The following LDLRAD3 variants were observed in gnomAD, a reference collection of about 807,000 sequenced individuals.
LDLRAD3 encodes low-density lipoprotein receptor class A domain-containing protein 3.
LDLRAD3 carries 20 observed loss-of-function variants against 29.4 expected under a neutral mutation model. The observed-to-expected ratio is 0.68, with a 90% CI of 0.48 to 0.99. The LOEUF is 0.99. Among genes scored for constraint, LDLRAD3 ranks in the 50% least tolerant of loss-of-function variants. The pLI, the probability that LDLRAD3 is intolerant of heterozygous loss-of-function variation, is 0.00. For missense variants in LDLRAD3, 420 were observed against 454.3 expected, an observed-to-expected ratio of 0.92 and a Z score of 0.69; for synonymous variants, 157 against 192.7, an observed-to-expected ratio of 0.81 and a Z score of 1.53.
rs114840284 is a variant in LDLRAD3, at chr11:35,982,779, G to A, written c.46+38635G>A. 5.6e-3 allele frequency among the ~76,000 whole-genome samples: 843 copies of A among 150,814 alleles called. 9 individuals carry two copies. Among genetic ancestry groups the A allele is most frequent in the African/African-American group, 0.019 (772 of 40,920 alleles). Reference sequence around the variant, plus strand: ...TCTTCTGAATTCATTATACCCATGTGCATTCCATTCCTTTCCCAAGGCCAC... The same window carrying A: ...TCTTCTGAATTCATTATACCCATGTACATTCCATTCCTTTCCCAAGGCCAC... On this transcript the variant is annotated intron_variant, in intron 1 of 5. Transcript: ENST00000315571.
chr11:36,169,416 A>G (rs1854563345), intron 4 of LDLRAD3, among the ~76,000 whole-genome samples: 1 of 152,186 alleles, frequency 6.6e-6, no homozygotes, highest in Admixed American at 6.5e-5. Flanking sequence ...GTTTGTACCT[A>G]TTAACCAAAC....
chr11:36,150,597 C>CA (rs1854264313), intron 4 of LDLRAD3, among the ~76,000 whole-genome samples: 1 of 149,084 alleles, frequency 6.7e-6, no homozygotes. Flanking sequence ...ACTAAAAATA[C>CA]AAAAAAAATT....
At chr11:36,107,455 C>G (rs940193743) in intron 4 of LDLRAD3, among the ~76,000 whole-genome samples, 1 of 152,158 alleles carries the variant, frequency 6.6e-6, no homozygotes, top group African/African-American at 2.4e-5. Context: ...CTCAGCTTCC[C>G]AAAGTGCTGG....
At chr11:36,161,994 A>G (rs1214535898) in intron 4 of LDLRAD3, among the ~76,000 whole-genome samples, 1 of 152,244 alleles carries the variant, frequency 6.6e-6, no homozygotes, top group Non-Finnish European at 1.5e-5. Context: ...ACCCCTAGAG[A>G]GATCTCTGCA....
At chr11:36,009,852 T>A (rs1851933299) in intron 1 of LDLRAD3, among the ~76,000 whole-genome samples, 1 of 152,164 alleles carries the variant, frequency 6.6e-6, no homozygotes, top group South Asian at 2.1e-4. Context: ...ACGAAGAAGT[T>A]TTCCAGAAAT....
At chr11:36,180,854 A>G (rs918998638) in intron 4 of LDLRAD3, among the ~76,000 whole-genome samples, 4 of 152,132 alleles carry the variant, frequency 2.6e-5, no homozygotes, top group Admixed American at 6.5e-5. Context: ...AGTAGAGACC[A>G]TTGGAATTGC....
chr11:36,186,479 A>G (rs1480798384), intron 4 of LDLRAD3, among the ~76,000 whole-genome samples: 1 of 152,220 alleles, frequency 6.6e-6, no homozygotes, highest in Non-Finnish European at 1.5e-5. Flanking sequence ...GTTGGTCCAC[A>G]TCCAAAAATC....
chr11:36,039,824 C>G (rs146194752), intron 2 of LDLRAD3, among the ~76,000 whole-genome samples: 1 of 152,292 alleles, frequency 6.6e-6, no homozygotes, highest in African/African-American at 2.4e-5. Context: ...TTCTGCTGGT[C>G]AAAATGTTTA....
intron 4 of LDLRAD3, among the ~76,000 whole-genome samples, chr11:36,139,934 T>C (rs1854057213): frequency 6.6e-6 from 1 of 152,130 alleles, no homozygotes; most frequent in South Asian, 2.1e-4. Flanking sequence ...GATTGGTTCT[T>C]CTGTGGCAGC....
chr11:35,983,369 T>C (rs1342852497), intron 1 of LDLRAD3, among the ~76,000 whole-genome samples: 3 of 152,262 alleles, frequency 2.0e-5, no homozygotes, highest in Non-Finnish European at 4.4e-5. Context: ...TTTAATTACA[T>C]ATGTGGCTTG....
At chr11:36,139,638 A>G (rs755442041) in intron 4 of LDLRAD3, among the ~76,000 whole-genome samples, 1 of 152,166 alleles carries the variant, frequency 6.6e-6, no homozygotes, top group Non-Finnish European at 1.5e-5. Flanking sequence ...ACCCGTAGTC[A>G]CACAGCTGAT....
At chr11:36,098,198 G>T in intron 3 of LDLRAD3, 129 bp from the exon 4 acceptor site, 1 of 1,127,776 alleles carries the variant, frequency 8.9e-7, no homozygotes. Context: ...CATGGGCTTT[G>T]AGTCTGCCAG....
intron 2 of LDLRAD3, among the ~76,000 whole-genome samples, chr11:36,037,587 A>G (rs1266837060): frequency 6.6e-6 from 1 of 152,218 alleles, no homozygotes; most frequent in Non-Finnish European, 1.5e-5. Flanking sequence ...TGCTGGGATT[A>G]CAGGCATGAG....
chr11:36,052,593 T>A (rs185466329), intron 2 of LDLRAD3, among the ~76,000 whole-genome samples: 1 of 152,320 alleles, frequency 6.6e-6, no homozygotes, highest in Admixed American at 6.5e-5. Context: ...GAGGCCAACA[T>A]GGGTTTGTCC....
chr11:36,081,833 C>A (rs1352167124), intron 3 of LDLRAD3, 55 bp downstream of exon 3: 68 of 1,603,220 alleles, frequency 4.2e-5, no homozygotes, highest in Non-Finnish European at 5.5e-5. Context: ...GCCAGCCAAA[C>A]TTGTCCACAT....
At chr11:35,954,431 C>A (rs914670348) in intron 1 of LDLRAD3, among the ~76,000 whole-genome samples, 4 of 152,126 alleles carry the variant, frequency 2.6e-5, no homozygotes, top group African/African-American at 9.7e-5. Flanking sequence ...TTTTTGATGT[C>A]TATCTTATTT....
chr11:36,135,361 T>A (rs553015668), intron 4 of LDLRAD3, among the ~76,000 whole-genome samples: 3 of 152,296 alleles, frequency 2.0e-5, no homozygotes, highest in Admixed American at 2.0e-4. Context: ...TTGGGAAGAT[T>A]CTGGAGAGTT....
intron 1 of LDLRAD3, among the ~76,000 whole-genome samples, chr11:36,013,619 C>T (rs530907659): frequency 6.6e-6 from 1 of 152,226 alleles, no homozygotes; most frequent in African/African-American, 2.4e-5. Flanking sequence ...GATCCATGTC[C>T]CTGCAAAGGA....
chr11:36,207,149 G>C (rs1855222361), intron 4 of LDLRAD3, among the ~76,000 whole-genome samples: 1 of 152,184 alleles, frequency 6.6e-6, no homozygotes, highest in African/African-American at 2.4e-5. Context: ...GTTCCTTGTG[G>C]GTTGCTGGAA....
Sources: allele counts gnomAD v4.1 joint callset (sites outside exome capture counted in the v4.1 genomes callset), GRCh38; gene constraint gnomAD v4.1.1; transcripts MANE v1.5; gene names NCBI Gene and HGNC (gene_info 2026-07-23, HGNC 2026-07-21).